The following TAFA1 variants were observed in gnomAD, a reference collection of about 807,000 sequenced individuals.
The protein encoded by TAFA1 is chemokine-like protein TAFA-1.
TAFA1 carries 4 observed loss-of-function variants against 18.5 expected under a neutral mutation model. That is an observed-to-expected ratio of 0.22 (90% CI 0.11 to 0.49). The LOEUF is 0.49. Ranked by LOEUF, TAFA1 falls within the 20% of genes least tolerant of loss-of-function variation. The pLI, the probability that TAFA1 is intolerant of heterozygous loss-of-function variation, is 0.98. For synonymous variants in TAFA1, 56 were observed against 55.2 expected (o/e 1.01, Z -0.06); for missense variants, 147 against 169.0 (o/e 0.87, Z 0.72).
At chr3:68,421,526 C>A (rs891502413) in intron 3 of TAFA1, among the ~76,000 whole-genome samples, 1 of 152,022 alleles carries the variant, frequency 6.6e-6, no homozygotes, top group Non-Finnish European at 1.5e-5. Flanking sequence ...TGGATGGAAT[C>A]GCAGCTGTAC....
intron 2 of TAFA1, among the ~76,000 whole-genome samples, chr3:68,164,675 C>T (rs917869128): frequency 3.5e-4 from 48 of 138,296 alleles, no homozygotes; most frequent in African/African-American, 1.2e-3. Flanking sequence ...GGTAGTTACA[C>T]GGGGAAGTTA....
At chr3:67,994,252 C>A in the TAFA1 span, among the ~76,000 whole-genome samples, 2 of 152,106 alleles carry the variant, frequency 1.3e-5, no homozygotes, top group Non-Finnish European at 2.9e-5. Flanking sequence ...ATGAAGATGT[C>A]TTTATAGTTC....
intron 2 of TAFA1, among the ~76,000 whole-genome samples, chr3:68,207,917 C>T (rs567062946): frequency 2.6e-5 from 4 of 152,028 alleles, no homozygotes; most frequent in African/African-American, 7.2e-5. Context: ...TTATTAATCA[C>T]CAGTCTCATT....
At chr3:68,255,070 A>G (rs1370976899) in intron 2 of TAFA1, among the ~76,000 whole-genome samples, 1 of 152,146 alleles carries the variant, frequency 6.6e-6, no homozygotes, top group Non-Finnish European at 1.5e-5. Flanking sequence ...AAGAGTGGCC[A>G]TTTTGCCTAA....
At chr3:68,083,705 C>A (rs1280444563) in intron 2 of TAFA1, among the ~76,000 whole-genome samples, 6 of 152,190 alleles carry the variant, frequency 3.9e-5, no homozygotes, top group Non-Finnish European at 7.3e-5. Context: ...TGGCAATTCC[C>A]AGCTTCAGCT....
chr3:68,434,061 T>C, intron 3 of TAFA1, among the ~76,000 whole-genome samples: 1 of 152,160 alleles, frequency 6.6e-6, no homozygotes, highest in East Asian at 1.9e-4. Flanking sequence ...TGAAGTCTTG[T>C]ACTTGGTGGA....
At chr3:68,175,385 C>T (rs1373888444) in intron 2 of TAFA1, among the ~76,000 whole-genome samples, 1 of 152,212 alleles carries the variant, frequency 6.6e-6, no homozygotes, top group African/African-American at 2.4e-5. Flanking sequence ...AATTCTAGCC[C>T]ATGAAAGCAG....
intron 2 of TAFA1, among the ~76,000 whole-genome samples, chr3:68,170,698 T>C (rs4602395): frequency 0.89 from 135,174 of 152,130 alleles, 60,886 homozygotes; most frequent in South Asian, 0.97. Context: ...TGTAAACTAC[T>C]GGAGCATTGG....
At chr3:68,416,236 C>A (rs2070835121) in intron 2 of TAFA1, among the ~76,000 whole-genome samples, 1 of 152,158 alleles carries the variant, frequency 6.6e-6, no homozygotes. Context: ...GTCTTCTCTC[C>A]TTCCTTTCTC....
Position 68,417,352 on chromosome 3 carries a change from C to G in TAFA1, c.191C>G (p.Thr64Arg), listed in dbSNP as rs779697346. Reference sequence around the variant, plus strand: ...AATCGCATTGAGGAGCGGTCACAAACAGTAAAGTGTTCCTGTCTACCTGGA... The same window carrying G: ...AATCGCATTGAGGAGCGGTCACAAAGAGTAAAGTGTTCCTGTCTACCTGGA... Reference protein sequence around the residue: ...NKNRIEERSQTVKCSCLPGKV... With the variant: ...NKNRIEERSQRVKCSCLPGKV... Residue 64 changes from threonine (T) to arginine (R), a missense_variant, in exon 3 of 5, where the codon ACA becomes AGA. Coordinates refer to ENST00000478136, the MANE Select transcript of TAFA1 (RefSeq NM_213609.4). 1.2e-6 allele frequency: 2 copies of G among 1,613,348 alleles called. No individual in the cohort carries two copies. Among genetic ancestry groups the G allele is most frequent in the South Asian group, 1.1e-5 (1 of 91,038 alleles).
chr3:68,454,324 C>T (rs919421735), intron 3 of TAFA1, among the ~76,000 whole-genome samples: 3 of 152,110 alleles, frequency 2.0e-5, no homozygotes, highest in African/African-American at 7.2e-5. Context: ...GCATTTTGAG[C>T]CCCATTGTCC....
At chr3:68,010,215 C>A (rs1262838397) in intron 2 of TAFA1, among the ~76,000 whole-genome samples, 1 of 152,180 alleles carries the variant, frequency 6.6e-6, no homozygotes, top group South Asian at 2.1e-4. Context: ...ATGGCTCCCC[C>A]CAATCCCCTC....
chr3:68,217,052 C>G (rs1460418025), intron 2 of TAFA1, among the ~76,000 whole-genome samples: 1 of 152,010 alleles, frequency 6.6e-6, no homozygotes, highest in Admixed American at 6.6e-5. Context: ...TGCATTGTGA[C>G]TTTCTTCTGA....
At chr3:68,036,748 C>A (rs1213860676) in intron 2 of TAFA1, among the ~76,000 whole-genome samples, 1 of 152,132 alleles carries the variant, frequency 6.6e-6, no homozygotes, top group African/African-American at 2.4e-5. Flanking sequence ...TGCCCTGCCC[C>A]CAAATCTTGG....
In TAFA1 at chr3:68,544,622, C is replaced by A; in HGVS notation, c.*119C>A. 1 of 1,019,114 alleles carries A rather than the reference C, an allele frequency of 9.8e-7. No individual in the cohort carries two copies. Among genetic ancestry groups the A allele is most frequent in the Non-Finnish European group, 1.5e-6 (1 of 663,048 alleles). The allele number at this position is 1,019,114 out of a possible 1,614,324, so 63.1% of individuals were successfully genotyped here. On this transcript the variant is annotated 3_prime_UTR_variant, in exon 5 of 5. Transcript: ENST00000478136. Reference sequence around the variant, plus strand: ...TTCTTACTTGCACTTTGACTGGCTACCAGATAATCACAGTGCGTTTACTGT... The same window carrying A: ...TTCTTACTTGCACTTTGACTGGCTAACAGATAATCACAGTGCGTTTACTGT...
At chr3:68,357,979 C>T (rs991571403) in intron 2 of TAFA1, among the ~76,000 whole-genome samples, 1 of 151,926 alleles carries the variant, frequency 6.6e-6, no homozygotes, top group African/African-American at 2.4e-5. Flanking sequence ...TTACATGTTG[C>T]TTCATGTGCC....
At chr3:68,353,464 T>G (rs561862071) in intron 2 of TAFA1, among the ~76,000 whole-genome samples, 1 of 152,048 alleles carries the variant, frequency 6.6e-6, no homozygotes, top group Non-Finnish European at 1.5e-5. Flanking sequence ...TAGTAGTAAT[T>G]TTTATTTGGT....
At chr3:68,239,517 GTGAACTACACCCCTAGCC>G (rs1055256583) in intron 2 of TAFA1, among the ~76,000 whole-genome samples, 9 of 82,536 alleles carry the variant, frequency 1.1e-4, no homozygotes, top group South Asian at 3.5e-4. Context: ...GAAATTCTGT[GTGAACTACACCCCTAGCC>G]TGACCCAGCC....
intron 2 of TAFA1, among the ~76,000 whole-genome samples, chr3:68,085,341 C>T (rs921784152): frequency 6.6e-6 from 1 of 152,256 alleles, no homozygotes; most frequent in Admixed American, 6.5e-5. Flanking sequence ...TTAGAAACCC[C>T]TAAACATACA....
Sources: allele counts gnomAD v4.1 joint callset (sites outside exome capture counted in the v4.1 genomes callset), GRCh38; gene constraint gnomAD v4.1.1; transcripts MANE v1.5; gene names NCBI Gene and HGNC (gene_info 2026-07-23, HGNC 2026-07-21).